The following ZC3H7B variants were observed in gnomAD, a reference collection of about 807,000 sequenced individuals.
ZC3H7B encodes zinc finger CCCH-type containing 7B, also known as zinc finger CCCH domain-containing protein 7B.
A neutral mutation model predicts 116.0 loss-of-function variants in ZC3H7B; 35 were observed. The ratio of observed to expected loss-of-function variants is 0.30; its 90% CI spans 0.23 to 0.40. The LOEUF is 0.40. Among genes scored for constraint, ZC3H7B ranks in the 10% least tolerant of loss-of-function variants. The probability of loss-of-function intolerance (pLI) is 1.00; values close to 1 mark genes in which losing one functional copy is unlikely to be tolerated. For missense variants in ZC3H7B, 1,011 were observed against 1,321.5 expected, an observed-to-expected ratio of 0.77 and a Z score of 3.64; for synonymous variants, 502 against 545.6, an observed-to-expected ratio of 0.92 and a Z score of 1.11.
Position 41,353,046 on chromosome 22 carries a change from C to T in ZC3H7B, c.2034+1400C>T, listed in dbSNP as rs2036672992. ...AGTGAGTTGAGATTGTGCCATTGAC[C>T]TCCAGCCTGGGTGACAGAGTGAGAC... On this transcript the variant is annotated intron_variant, in intron 17 of 22. Coordinates refer to ENST00000352645, the MANE Select transcript of ZC3H7B (RefSeq NM_017590.6). Among the ~76,000 whole-genome samples the T allele has an allele frequency of 2.0e-5, 3 of 151,626 alleles. 1 individual carries two copies. Among genetic ancestry groups the T allele is most frequent in the Non-Finnish European group, 4.4e-5 (3 of 67,906 alleles).
chr22:41,302,909 C>T lies in ZC3H7B; in HGVS notation c.-7+1137C>T, dbSNP rs1250511336. ...GCGGTTTTATTTCTCGGGTTGCTAG[C>T]TTTGGCATCAGACTTTGAACCCCAA... On this transcript the variant is annotated intron_variant, in intron 1 of 22. Coordinates refer to ENST00000352645, the MANE Select transcript of ZC3H7B (RefSeq NM_017590.6). The surrounding 1 kb of genome is among the most constrained non-coding windows in gnomAD (Gnocchi z 5.7). Among the ~76,000 whole-genome samples the T allele has an allele frequency of 2.0e-5, 3 of 152,210 alleles. No homozygotes were observed. The highest frequency in any genetic ancestry group is 4.4e-5 in the Non-Finnish European group (3 of 68,034).
intron 2 of ZC3H7B, among the ~76,000 whole-genome samples, chr22:41,322,558 G>A (rs933473656): frequency 1.3e-5 from 2 of 151,480 alleles, no homozygotes; most frequent in African/African-American, 4.9e-5. Context: ...TTCTCTTATT[G>A]CTCTTAAATA....
At chr22:41,337,681 C>T (rs995939409) in intron 7 of ZC3H7B, among the ~76,000 whole-genome samples, 1 of 152,172 alleles carries the variant, frequency 6.6e-6, no homozygotes, top group East Asian at 1.9e-4. Context: ...ACCCTTGCCA[C>T]CTTCACCGGG....
intron 1 of ZC3H7B, among the ~76,000 whole-genome samples, chr22:41,312,156 CAAA>C (rs57597464): frequency 6.7e-5 from 6 of 88,928 alleles, no homozygotes; most frequent in Admixed American, 2.2e-4. Context: ...GACTCCGTCT[CAAA>C]AAAAAAAAAA....
At chr22:41,313,921 T>C (rs1206748817) in intron 1 of ZC3H7B, among the ~76,000 whole-genome samples, 1 of 151,478 alleles carries the variant, frequency 6.6e-6, no homozygotes, top group Non-Finnish European at 1.5e-5. Flanking sequence ...TAATTTTTTT[T>C]TTTTTCGTAT....
In ZC3H7B at chr22:41,330,114, T is replaced by C. The variant is rs1402453721; in HGVS notation, c.525+11T>C. On this transcript the variant is annotated intron_variant, in intron 6 of 22. Coordinates refer to ENST00000352645, the MANE Select transcript of ZC3H7B (RefSeq NM_017590.6). ...TATAAGAGGCCCCAGGTAGGTGGGT[T>C]CGGGACCCTGGGAGGGTCGGTGTGG... is the stretch of plus-strand genomic sequence containing the variant. The C allele has an allele frequency of 1.9e-6, 3 of 1,613,554 alleles. No homozygotes were observed. The highest frequency in any genetic ancestry group is 2.5e-6 in the Non-Finnish European group (3 of 1,179,892).
rs2036473444 is a variant in ZC3H7B, at chr22:41,338,464, T to C, written c.625+109T>C. 2 of 1,165,690 alleles carry C rather than the reference T, an allele frequency of 1.7e-6. No homozygotes were observed. Among genetic ancestry groups the C allele is most frequent in the Non-Finnish European group, 2.5e-6 (2 of 804,104 alleles). 72.2% of individuals were successfully genotyped at this position (1,165,690 alleles called of 1,614,324 possible). On this transcript the variant is annotated intron_variant, in intron 8 of 22. Transcript: ENST00000352645. The surrounding 1 kb of genome is among the most constrained non-coding windows in gnomAD (Gnocchi z 4.5). ...TGTAGATGGGAGGGCCTCCGAGGGG[T>C]TCCCCACCCTGGTACTCCCTGAGGC...
At position 41,349,080 on chromosome 22, in the gene ZC3H7B, G is replaced by A; in HGVS notation, c.1767-40G>A. ...ACCAGGAGAGAAGGTCAGAGGGGCT[G>A]CGGACTGCATCGTGCCCCTCCTGCC... On this transcript the variant is annotated intron_variant, in intron 15 of 22. Transcript: ENST00000352645. The surrounding 1 kb of genome is among the most constrained non-coding windows in gnomAD (Gnocchi z 4.9). The A allele has an allele frequency of 1.9e-6, 3 of 1,603,708 alleles. No homozygotes were observed. Among genetic ancestry groups the A allele is most frequent in the Non-Finnish European group, 2.6e-6 (3 of 1,174,360 alleles).
At chr22:41,303,294 C>A (rs2035997896) in intron 1 of ZC3H7B, among the ~76,000 whole-genome samples, 1 of 152,178 alleles carries the variant, frequency 6.6e-6, no homozygotes, top group Non-Finnish European at 1.5e-5. Context: ...ACTTTGTTGT[C>A]CCTGAGCTGG....
At position 41,351,624 on chromosome 22, in the gene ZC3H7B, C is replaced by T. The variant is rs757345307; in HGVS notation, c.2012C>T (p.Ala671Val). 15 of 1,613,782 alleles carry T rather than the reference C, an allele frequency of 9.3e-6. No individual in the cohort carries two copies. Among genetic ancestry groups the T allele is most frequent in the Admixed American group, 3.3e-5 (2 of 59,972 alleles). ...KKYWQQMEAHAGKASSSMGAP... is the reference protein window; with the variant it reads ...KKYWQQMEAHVGKASSSMGAP... ...TACTGGCAGCAGATGGAGGCGCATG[C>T]GGGGAAGGCCAGCAGCAGCATGGTA... Residue 671 changes from alanine (A) to valine (V), a missense_variant, in exon 17 of 23, where the codon GCG (alanine) becomes GTG (valine). Ala to Val is a moderately conservative substitution (Grantham distance 64). Coordinates refer to ENST00000352645, the MANE Select transcript of ZC3H7B (RefSeq NM_017590.6). This position sits in a 1 kb window ranked among gnomAD's most constrained non-coding sequence, Gnocchi z 5.1.
intron 1 of ZC3H7B, among the ~76,000 whole-genome samples, chr22:41,312,326 G>T (rs2036129416): frequency 6.6e-6 from 1 of 151,560 alleles, no homozygotes; most frequent in Non-Finnish European, 1.5e-5. Context: ...AAATTAGCTG[G>T]GCATGATGGC....
intron 1 of ZC3H7B, among the ~76,000 whole-genome samples, chr22:41,308,023 G>C: frequency 6.6e-6 from 1 of 152,154 alleles, no homozygotes; most frequent in Non-Finnish European, 1.5e-5. Context: ...TAAGGTAAGA[G>C]GTGTCCCTGT....
At chr22:41,352,812 T>A (rs1030760899) in intron 17 of ZC3H7B, among the ~76,000 whole-genome samples, 2 of 151,952 alleles carry the variant, frequency 1.3e-5, no homozygotes, top group African/African-American at 4.8e-5. Context: ...GCGTGGTGGC[T>A]GACGCCTGTA....
Position 41,332,211 on chromosome 22 carries a change from C to T in ZC3H7B, c.566C>T (p.Ala189Val), listed in dbSNP as rs2036391936. 1.2e-6 allele frequency: 2 copies of T among 1,614,088 alleles called. No individual in the cohort carries two copies. The highest frequency in any genetic ancestry group is 1.3e-5 in the African/African-American group (1 of 74,944). Residue 189 changes from alanine to valine, a missense_variant, in exon 7 of 23, where the codon GCT becomes GTT. Transcript: ENST00000352645. The stretch of plus-strand genomic sequence containing the variant: ...TCTCTGCTCAGTAACGGCACTGCGG[C>T]TGGCGTGGCAGATCAGGTAGGATCG... ...TFSLLSNGTA[A>V]GVADQGTSNG...
At chr22:41,331,173 C>T (rs1417395966) in intron 6 of ZC3H7B, among the ~76,000 whole-genome samples, 1 of 145,358 alleles carries the variant, frequency 6.9e-6, no homozygotes, top group Non-Finnish European at 1.5e-5. Context: ...CACTTGAACC[C>T]GGGAGGCGGA....
intron 6 of ZC3H7B, among the ~76,000 whole-genome samples, chr22:41,331,185 G>T (rs1226466848): frequency 4.8e-5 from 7 of 146,944 alleles, no homozygotes; most frequent in African/African-American, 1.7e-4. Context: ...GGAGGCGGAG[G>T]TTGCGGTGAG....
In ZC3H7B at chr22:41,317,081, G is replaced by A. The variant is rs868236507; in HGVS notation, c.-6-3574G>A. On this transcript the variant is annotated intron_variant, in intron 1 of 22. Transcript: ENST00000352645. Reference sequence around the variant, plus strand: ...CAGGCTGGTCTTGACCTCGTTATCCGCCTGCCTCAGCCTCCCAAAGTGCTG... The same window carrying A: ...CAGGCTGGTCTTGACCTCGTTATCCACCTGCCTCAGCCTCCCAAAGTGCTG... Among the ~76,000 whole-genome samples the A allele has an allele frequency of 2.0e-5, 3 of 151,544 alleles. No homozygotes were observed. The Middle Eastern group carries it at 0.01, about 523-fold the overall frequency.
chr22:41,355,239 T>G (rs559030220), intron 17 of ZC3H7B, among the ~76,000 whole-genome samples: 1 of 152,044 alleles, frequency 6.6e-6, no homozygotes, highest in African/African-American at 2.4e-5. Context: ...TCCCAGGGAG[T>G]TGGGCGAGGC....
intron 7 of ZC3H7B, 61 bp downstream of exon 7, chr22:41,332,288 T>G: frequency 6.3e-7 from 1 of 1,598,414 alleles, no homozygotes; most frequent in Non-Finnish European, 8.6e-7. Flanking sequence ...TTGGATTCAC[T>G]CTCTCCGGGT....
Sources: allele counts gnomAD v4.1 joint callset (sites outside exome capture counted in the v4.1 genomes callset), GRCh38; gene constraint gnomAD v4.1.1; non-coding constraint Gnocchi (gnomAD v3.1); transcripts MANE v1.5; gene names NCBI Gene and HGNC (gene_info 2026-07-23, HGNC 2026-07-21).